Variants in FGD6 observed in about 807,000 individuals in gnomAD.
FGD6 encodes FYVE, RhoGEF and PH domain containing 6, also known as FYVE, RhoGEF and PH domain-containing protein 6.
In FGD6, 90 loss-of-function variants were observed where a neutral mutation model predicts 149.4. The observed-to-expected ratio is 0.60, with a 90% CI of 0.51 to 0.72. FGD6 has a LOEUF of 0.72. FGD6 is among the 30% of genes least tolerant of loss of function. The pLI is 0.00. For missense variants in FGD6, 1,437 were observed against 1,684.8 expected, an observed-to-expected ratio of 0.85 and a Z score of 2.57; for synonymous variants, 527 against 584.0, an observed-to-expected ratio of 0.90 and a Z score of 1.41.
intron 3 of FGD6, among the ~76,000 whole-genome samples, chr12:95,166,686 G>A (rs1010682931): frequency 6.6e-6 from 1 of 152,042 alleles, no homozygotes; most frequent in Non-Finnish European, 1.5e-5. Context: ...CTGGGTGACA[G>A]AGCGAGACCC....
At chr12:95,174,948 GAA>G in intron 2 of FGD6, among the ~76,000 whole-genome samples, 1 of 80,980 alleles carries the variant, frequency 1.2e-5, no homozygotes, top group East Asian at 4.0e-4. Context: ...AAAAAAAAAA[GAA>G]ATTAGGTTTA....
At chr12:95,100,886 T>A in intron 14 of FGD6, 1 of 384,206 alleles carries the variant, frequency 2.6e-6, no homozygotes. Context: ...GGAATGGGTG[T>A]CAGAGCTTAT....
At chr12:95,173,223 A>C (rs1400866797) in intron 2 of FGD6, among the ~76,000 whole-genome samples, 1 of 152,236 alleles carries the variant, frequency 6.6e-6, no homozygotes, top group Non-Finnish European at 1.5e-5. Flanking sequence ...TGCAGGTGCA[A>C]CTGTGAACAT....
intron 2 of FGD6, among the ~76,000 whole-genome samples, chr12:95,204,710 G>GCACACACA (rs60459798): frequency 1.7e-4 from 26 of 151,176 alleles, no homozygotes; most frequent in African/African-American, 5.1e-4. Flanking sequence ...GCATGCACGC[G>GCACACACA]CACACACACA....
At chr12:95,117,548 T>C (rs866338696) in intron 8 of FGD6, among the ~76,000 whole-genome samples, 7 of 152,146 alleles carry the variant, frequency 4.6e-5, no homozygotes, top group Non-Finnish European at 8.8e-5. Context: ...CACCTCAGCC[T>C]CCCAAGTAGC....
At position 95,078,980 on chromosome 12, in the gene FGD6, ACTT is replaced by A. The variant is rs1877581589; in HGVS notation, c.*2537_*2539del. The A allele has an allele frequency of 6.6e-6, 1 of 152,248 alleles. No homozygotes were observed. The highest frequency in any genetic ancestry group is 2.4e-5 in the African/African-American group (1 of 41,468). The allele number at this position is 152,248 out of a possible 1,614,324, so 9.4% of individuals were successfully genotyped here. On this transcript the variant is annotated 3_prime_UTR_variant, in exon 21 of 21. Transcript: ENST00000343958. ...ATAGTATCCTTGGAATCTAGATACT[ACTT>A]AACTTTTCTCCCCATTTATAGACTG...
chr12:95,158,340 T>C (rs1315167288), intron 3 of FGD6, among the ~76,000 whole-genome samples: 1 of 151,020 alleles, frequency 6.6e-6, no homozygotes, highest in Non-Finnish European at 1.5e-5. Context: ...GCTAATTTTT[T>C]TTTTTTTTGT....
intron 2 of FGD6, among the ~76,000 whole-genome samples, chr12:95,188,403 G>GAC (rs1236213336): frequency 6.6e-6 from 1 of 151,756 alleles, no homozygotes; most frequent in Non-Finnish European, 1.5e-5. Flanking sequence ...GTGTGTAGAG[G>GAC]ACATGTTACC....
chr12:95,177,327 T>G (rs183031460), intron 2 of FGD6, among the ~76,000 whole-genome samples: 1 of 152,344 alleles, frequency 6.6e-6, no homozygotes, highest in East Asian at 1.9e-4. Flanking sequence ...AAAGCTGAGT[T>G]AAGAATGGCT....
intron 1 of FGD6, among the ~76,000 whole-genome samples, chr12:95,214,701 G>C (rs138838532): frequency 2.0e-5 from 3 of 151,938 alleles, no homozygotes; most frequent in Non-Finnish European, 4.4e-5. Flanking sequence ...AAACATACTC[G>C]TCATCTGTTA....
At position 95,171,174 on chromosome 12, in the gene FGD6, A is replaced by T. The variant is rs180801771; in HGVS notation, c.2586+1426T>A. Among the ~76,000 whole-genome samples, 31 of 152,314 alleles carry T rather than the reference A, an allele frequency of 2.0e-4. 1 individual carries two copies. In the East Asian group the frequency reaches 6.0e-3, roughly 29 times the overall value. ...AAATAATTGGCCCAAAGTTGACCAG[A>T]TCATAGCTGGTGGATCTGGGACTTA... On this transcript the variant is annotated intron_variant, in intron 3 of 20. Coordinates refer to ENST00000343958, the MANE Select transcript of FGD6 (RefSeq NM_018351.4).
At chr12:95,108,781 T>C (rs1340486671) in intron 9 of FGD6, among the ~76,000 whole-genome samples, 1 of 151,758 alleles carries the variant, frequency 6.6e-6, no homozygotes, top group Non-Finnish European at 1.5e-5. Context: ...CAAAACAATA[T>C]ATAGGGAAAC....
intron 5 of FGD6, 88 bp from the exon 6 acceptor site, chr12:95,141,627 G>T: frequency 7.0e-7 from 1 of 1,426,070 alleles, no homozygotes; most frequent in South Asian, 1.3e-5. Flanking sequence ...TCCCTAAAAT[G>T]ATACAGATTG....
chr12:95,092,607 A>G, intron 16 of FGD6, 92 bp downstream of exon 16: 3 of 1,286,942 alleles, frequency 2.3e-6, no homozygotes, highest in East Asian at 2.4e-5. Flanking sequence ...TTCTTGAACT[A>G]TAATGGTTTA....
At chr12:95,174,700 G>A (rs1034854242) in intron 2 of FGD6, among the ~76,000 whole-genome samples, 1 of 152,016 alleles carries the variant, frequency 6.6e-6, no homozygotes, top group Non-Finnish European at 1.5e-5. Context: ...AAGCTGAGGC[G>A]GGTGGATCAC....
intron 14 of FGD6, among the ~76,000 whole-genome samples, chr12:95,095,845 C>A (rs1467664381): frequency 6.6e-6 from 1 of 151,974 alleles, no homozygotes; most frequent in Non-Finnish European, 1.5e-5. Context: ...GAAACCCTGT[C>A]TCTACTAAAA....
At chr12:95,192,083 C>A (rs1474171918) in intron 2 of FGD6, among the ~76,000 whole-genome samples, 1 of 152,148 alleles carries the variant, frequency 6.6e-6, no homozygotes, top group African/African-American at 2.4e-5. Flanking sequence ...AATATAAATG[C>A]TACACAAATA....
chr12:95,100,579 G>C, intron 14 of FGD6: 3 of 430,330 alleles, frequency 7.0e-6, no homozygotes, highest in South Asian at 1.8e-5. Context: ...CTGTTCCCAC[G>C]ACTTTCTAGG....
chr12:95,210,086 A>G lies in FGD6; in HGVS notation c.1198T>C (p.Ser400Pro), dbSNP rs936150996. ...GTTTCATTACACATGGCTTTCTGTG[A>G]ATTGACTAAGTCCTGTGCATCACTG... ...SNSDAQDLVN[S>P]QKAMCNETTS... The change falls in exon 2 of 21, where the codon TCA becomes CCA. Residue 400 changes from serine to proline, a missense_variant. This residue lies in a region of FGD6 where 1,055 missense variants were observed against 1,146.0 expected (regional missense o/e 0.92). Coordinates refer to ENST00000343958, the MANE Select transcript of FGD6 (RefSeq NM_018351.4). 7.4e-6 allele frequency: 12 copies of G among 1,614,034 alleles called. No homozygotes were observed. Among genetic ancestry groups the G allele is most frequent in the Non-Finnish European group, 9.3e-6 (11 of 1,180,042 alleles).
Sources: allele counts gnomAD v4.1 joint callset (sites outside exome capture counted in the v4.1 genomes callset), GRCh38; gene constraint gnomAD v4.1.1; regional missense constraint gnomAD v4.1.1; transcripts MANE v1.5; gene names NCBI Gene and HGNC (gene_info 2026-07-23, HGNC 2026-07-21).